The following RPS6KC1 variants were observed in gnomAD, a reference collection of about 807,000 sequenced individuals.
RPS6KC1 encodes the protein inactive ribosomal protein S6 kinase delta-1.
In RPS6KC1, 54 loss-of-function variants were observed where a neutral mutation model predicts 103.8. That is an observed-to-expected ratio of 0.52 (90% CI 0.42 to 0.65). The LOEUF (loss-of-function observed/expected upper bound fraction) is 0.65, where lower values mean the gene tolerates loss of function less well. Among genes scored for constraint, RPS6KC1 ranks in the 30% least tolerant of loss-of-function variants. The pLI is 0.00. For synonymous variants in RPS6KC1, 439 were observed against 438.7 expected (o/e 1.00, Z -0.01); for missense variants, 1,151 against 1,253.8 (o/e 0.92, Z 1.24).
chr1:213,630,411 C>T, the RPS6KC1 span, among the ~76,000 whole-genome samples: 3 of 152,290 alleles, frequency 2.0e-5, no homozygotes, highest in African/African-American at 7.2e-5. Flanking sequence ...AGTTCTTGTG[C>T]CTTGGTTTTC....
intron 14 of RPS6KC1, among the ~76,000 whole-genome samples, chr1:213,270,496 G>A (rs951789902): frequency 2.6e-5 from 4 of 152,154 alleles, no homozygotes; most frequent in Non-Finnish European, 5.9e-5. Flanking sequence ...AGACAATAGA[G>A]TGGGTGTGGT....
intron 13 of RPS6KC1, 28 bp from the exon 14 acceptor site, chr1:213,262,693 A>C: frequency 7.4e-7 from 1 of 1,347,878 alleles, no homozygotes; most frequent in East Asian, 2.3e-5. Flanking sequence ...TATTTGGGAT[A>C]AGAAGTGTAC....
At chr1:213,740,676 T>TCTCTCAGATATATGTACACATATATAC in the RPS6KC1 span, among the ~76,000 whole-genome samples, 189 of 149,192 alleles carry the variant, frequency 1.3e-3, 2 homozygotes, top group African/African-American at 4.5e-3. Flanking sequence ...CACATATATA[T>TCTCTCAGATATATGTACACATATATAC]CTCTCAGATA....
chr1:213,261,461 T>C, intron 12 of RPS6KC1, 97 bp from the exon 13 acceptor site: 1 of 1,064,920 alleles, frequency 9.4e-7, no homozygotes, highest in Non-Finnish European at 1.4e-6. Context: ...GTATATGCTC[T>C]CTCAGCATTA....
At chr1:213,140,987 C>G (rs1272249824) in intron 6 of RPS6KC1, among the ~76,000 whole-genome samples, 1 of 151,700 alleles carries the variant, frequency 6.6e-6, no homozygotes, top group Non-Finnish European at 1.5e-5. Context: ...ACCTCCCCCT[C>G]CCGGGTTCAA....
chr1:213,466,886 C>A, the RPS6KC1 span, among the ~76,000 whole-genome samples: 6 of 152,108 alleles, frequency 3.9e-5, no homozygotes, highest in African/African-American at 1.4e-4. Context: ...CCTAAATGAC[C>A]ATGTGTCCTG....
the RPS6KC1 span, among the ~76,000 whole-genome samples, chr1:213,711,777 G>A: frequency 6.6e-6 from 1 of 152,176 alleles, no homozygotes; most frequent in Non-Finnish European, 1.5e-5. Context: ...CCCCACTTCT[G>A]CAGGTCTGCT....
chr1:213,181,714 C>G (rs1474215711), intron 8 of RPS6KC1, among the ~76,000 whole-genome samples: 1 of 152,154 alleles, frequency 6.6e-6, no homozygotes, highest in Non-Finnish European at 1.5e-5. Context: ...AAAGAACTAT[C>G]AACCAGAATT....
chr1:213,219,550 A>G (rs1331595018), intron 8 of RPS6KC1, among the ~76,000 whole-genome samples: 1 of 152,234 alleles, frequency 6.6e-6, no homozygotes, highest in Non-Finnish European at 1.5e-5. Context: ...CTATAAAGAC[A>G]CATGCACACG....
At chr1:213,510,735 G>A in the RPS6KC1 span, among the ~76,000 whole-genome samples, 15 of 152,050 alleles carry the variant, frequency 9.9e-5, no homozygotes, top group African/African-American at 2.4e-4. Flanking sequence ...CGTAGGAGCC[G>A]CAGTTTGTCA....
chr1:213,168,109 A>G, intron 7 of RPS6KC1, 136 bp downstream of exon 7: 2 of 551,204 alleles, frequency 3.6e-6, no homozygotes, highest in Non-Finnish European at 6.3e-6. Context: ...GGTTGTTGGT[A>G]GAAAGAAATG....
At position 213,129,541 on chromosome 1, in the gene RPS6KC1, A is replaced by C; in HGVS notation, c.487A>C (p.Ser163Arg). 6.2e-7 allele frequency: 1 copy of C among 1,607,228 alleles called. No homozygotes were observed. The highest frequency in any genetic ancestry group is 8.5e-7 in the Non-Finnish European group (1 of 1,177,170). ...ECSTEGFSSD[S>R]DLVSLTVDVD... ...CATATTTCTAGGCTTCTCCAGTGAC[A>C]GTGATCTGGTATCTCTTACTGTTGA... Residue 163 changes from serine to arginine, a missense_variant, in exon 6 of 15, where the codon AGT becomes CGT. Physicochemically the swap from Ser to Arg is moderately radical, Grantham distance 110. Around this residue, in one of 3 missense-constraint regions of RPS6KC1, gnomAD observed 959 missense variants for 1,006.3 expected, o/e 0.95. Transcript: ENST00000366960.
At chr1:213,281,920 G>A in the RPS6KC1 span, among the ~76,000 whole-genome samples, 2 of 152,262 alleles carry the variant, frequency 1.3e-5, no homozygotes, top group Middle Eastern at 3.4e-3. Context: ...CTAAATCCAT[G>A]GTAGGGAAAT....
chr1:213,287,256 GT>G, the RPS6KC1 span, among the ~76,000 whole-genome samples: 1 of 151,160 alleles, frequency 6.6e-6, no homozygotes, highest in Non-Finnish European at 1.5e-5. Context: ...GTGTGTGTGT[GT>G]GTGTGTGTGT....
the RPS6KC1 span, among the ~76,000 whole-genome samples, chr1:213,700,344 A>G: frequency 1.3e-5 from 2 of 152,204 alleles, no homozygotes; most frequent in East Asian, 3.9e-4. Flanking sequence ...ACCTTTGTTG[A>G]AAATGAGTTT....
chr1:213,790,633 G>C, the RPS6KC1 span, among the ~76,000 whole-genome samples: 1 of 152,134 alleles, frequency 6.6e-6, no homozygotes, highest in African/African-American at 2.4e-5. Flanking sequence ...AAGAAAGAGA[G>C]AAAACGTTTT....
At chr1:213,128,548 A>G (rs1034840767) in intron 5 of RPS6KC1, among the ~76,000 whole-genome samples, 2 of 152,206 alleles carry the variant, frequency 1.3e-5, no homozygotes, top group Non-Finnish European at 2.9e-5. Context: ...GATGTCAGTT[A>G]TATGAACTAG....
At chr1:213,593,363 A>C in the RPS6KC1 span, among the ~76,000 whole-genome samples, 1 of 152,176 alleles carries the variant, frequency 6.6e-6, no homozygotes, top group African/African-American at 2.4e-5. Context: ...AGTGGCCAGG[A>C]GTGGAAGCAG....
the RPS6KC1 span, among the ~76,000 whole-genome samples, chr1:213,470,400 C>T: frequency 6.6e-6 from 1 of 152,036 alleles, no homozygotes; most frequent in Non-Finnish European, 1.5e-5. Context: ...GTAATTAGTT[C>T]TAGTGGTTTG....
Sources: gnomAD v4.1 joint callset for allele counts (sites outside exome capture counted in the v4.1 genomes callset) on GRCh38, gnomAD v4.1.1 for gene constraint, gnomAD v4.1.1 regional missense constraint, MANE v1.5 for transcripts, NCBI Gene and HGNC (gene_info 2026-07-23, HGNC 2026-07-21) for gene names.